The following ZNF485 variants were observed in gnomAD, a reference collection of about 807,000 sequenced individuals.
The protein encoded by ZNF485 is Zinc finger protein 93 (Zinc finger protein HTF34).
Under a neutral mutation model 10.8 loss-of-function variants are expected in ZNF485, and 9 were observed. The ratio of observed to expected loss-of-function variants is 0.83; its 90% CI spans 0.50 to 1.45. ZNF485 has a LOEUF of 1.45. Among genes scored for constraint, ZNF485 ranks in the 40% most tolerant of loss-of-function variants. The pLI, the probability that ZNF485 is intolerant of heterozygous loss-of-function variation, is 0.00. For missense variants in ZNF485, 487 were observed against 528.0 expected (o/e 0.92, Z 0.76); for synonymous variants, 187 against 181.0 (o/e 1.03, Z -0.27).
At chr10:43,615,864 C>T (rs1355803634) in intron 4 of ZNF485, among the ~76,000 whole-genome samples, 1 of 152,156 alleles carries the variant, frequency 6.6e-6, no homozygotes, top group Non-Finnish European at 1.5e-5. Context: ...CTATTTTTCT[C>T]AAGTTCTTGG....
Position 43,617,547 on chromosome 10 carries a change from G to A in ZNF485, c.*178G>A, listed in dbSNP as rs893774041. 3.6e-6 allele frequency: 2 copies of A among 552,922 alleles called. No homozygotes were observed. Among genetic ancestry groups the A allele is most frequent in the African/African-American group, 3.7e-5 (2 of 53,498 alleles). 34.3% of individuals were successfully genotyped at this position (552,922 alleles called of 1,614,324 possible). A position where few individuals can be genotyped will look rare whatever the true frequency, so the allele number is the denominator to read the frequency against. On this transcript the variant is annotated 3_prime_UTR_variant, in exon 5 of 5. Transcript: ENST00000361807. ...AAGAAACTAAATGTATGTCAGTATG[G>A]AAGTAGTTATAGCATACTGTGTGCT...
chr10:43,609,237 C>T lies in ZNF485; in HGVS notation c.152-18C>T. ...ATTTTTTTTTTCTTCCTCTAAGATC[C>T]TTTTTCTTTATGAACAGGGCTTCTC... is the stretch of plus-strand genomic sequence containing the variant. On this transcript the variant is annotated intron_variant, in intron 3 of 4. Coordinates refer to ENST00000361807, the MANE Select transcript of ZNF485 (RefSeq NM_145312.4). The T allele has an allele frequency of 6.3e-7, 1 of 1,594,170 alleles. No homozygotes were observed. Among genetic ancestry groups the T allele is most frequent in the African/African-American group, 1.4e-5 (1 of 73,902 alleles).
Position 43,616,366 on chromosome 10 carries a change from G to C in ZNF485, c.323G>C (p.Arg108Pro), listed in dbSNP as rs774582254. 10 of 1,613,964 alleles carry C rather than the reference G, an allele frequency of 6.2e-6. No homozygotes were observed. The highest frequency in any genetic ancestry group is 7.6e-6 in the Non-Finnish European group (9 of 1,179,956). ...TCTGAAGCATCTGTTCTGGGAGAGC[G>C]AACGAAAAGTGTCATGATGGAAAAA... ...STSEASVLGE[R>P]TKSVMMEKGL... is the part of the protein sequence containing the mutation. The change falls in exon 5 of 5, where the codon CGA becomes CCA. Residue 108 changes from arginine (R) to proline (P), a missense_variant. By Grantham distance (103) the Arg-to-Pro change is moderately radical. Coordinates refer to ENST00000361807, the MANE Select transcript of ZNF485 (RefSeq NM_145312.4).
intron 4 of ZNF485, among the ~76,000 whole-genome samples, chr10:43,615,564 G>A (rs1000095131): frequency 6.6e-6 from 1 of 152,114 alleles, no homozygotes; most frequent in African/African-American, 2.4e-5. Context: ...ACCATGCCTG[G>A]CTAGTTTTTG....
rs966201518 is a variant in ZNF485, at chr10:43,606,461, C to T, written c.-140C>T. The T allele has an allele frequency of 2.4e-6, 1 of 408,540 alleles. No homozygotes were observed. Among genetic ancestry groups the T allele is most frequent in the Non-Finnish European group, 4.6e-6 (1 of 218,224 alleles). 25.3% of individuals were successfully genotyped at this position (408,540 alleles called of 1,614,324 possible). On this transcript the variant is annotated 5_prime_UTR_variant, in exon 1 of 5. Coordinates refer to ENST00000361807, the MANE Select transcript of ZNF485 (RefSeq NM_145312.4). The stretch of plus-strand genomic sequence containing the variant: ...GCGTGGTGCGAGCGCTGCACCAGCC[C>T]CTGGCTGGTGGTTACTGTCCGAACG...
intron 1 of ZNF485, 148 bp downstream of exon 1, chr10:43,606,694 C>A: frequency 2.6e-6 from 1 of 389,036 alleles, no homozygotes; most frequent in East Asian, 4.8e-5. Context: ...GTGGCTGCGC[C>A]GTGTGGAGCG....
At chr10:43,607,712 C>T (rs979931903) in intron 2 of ZNF485, among the ~76,000 whole-genome samples, 4 of 152,182 alleles carry the variant, frequency 2.6e-5, no homozygotes, top group African/African-American at 7.2e-5. Context: ...TAAAGATCAC[C>T]TACATTTCTA....
intron 2 of ZNF485, 189 bp downstream of exon 2, chr10:43,607,263 T>C (rs1434891451): frequency 1.5e-6 from 1 of 676,010 alleles, no homozygotes; most frequent in Non-Finnish European, 2.6e-6. Context: ...TTGCTACCCA[T>C]GTTTTCTAGA....
intron 4 of ZNF485, among the ~76,000 whole-genome samples, chr10:43,609,814 G>A (rs1838734257): frequency 6.6e-6 from 1 of 152,108 alleles, no homozygotes; most frequent in Non-Finnish European, 1.5e-5. Flanking sequence ...GAGTAGCTGG[G>A]ACTACAGGCG....
At chr10:43,606,945 A>G in intron 1 of ZNF485, 52 bp from the exon 2 acceptor site, 1 of 1,454,208 alleles carries the variant, frequency 6.9e-7, no homozygotes, top group Non-Finnish European at 9.4e-7. Context: ...GGCAGATTCT[A>G]GCTAGGCTAG....
At chr10:43,606,783 C>G (rs1189616380) in intron 1 of ZNF485, among the ~76,000 whole-genome samples, 2 of 152,224 alleles carry the variant, frequency 1.3e-5, no homozygotes, top group Non-Finnish European at 2.9e-5. Context: ...CAAGGCCGTC[C>G]CCCGGTGCTG....
rs768987467 is a variant in ZNF485 at position 43,608,632 on chromosome 10, G to A, written c.43G>A (p.Asp15Asn). ...AQIQGPLTFG[D>N]VAVAFTRIEW... Reference sequence around the variant, plus strand: ...TTTGCAGGGACCGCTGACATTTGGGGATGTGGCTGTGGCCTTTACCCGGAT... The same window carrying A: ...TTTGCAGGGACCGCTGACATTTGGGAATGTGGCTGTGGCCTTTACCCGGAT... The change falls in exon 3 of 5, where the codon GAT (aspartate) becomes AAT (asparagine). Residue 15 changes from aspartate to asparagine, a missense_variant. Physicochemically the swap from Asp to Asn is conservative, Grantham distance 23. Transcript: ENST00000361807. 10 of 1,614,044 alleles carry A rather than the reference G, an allele frequency of 6.2e-6. No homozygotes were observed. Among genetic ancestry groups the A allele is most frequent in the Middle Eastern group, 3.3e-4 (2 of 6,062 alleles).
chr10:43,607,445 A>G (rs561572772), intron 2 of ZNF485: 81 of 277,494 alleles, frequency 2.9e-4, no homozygotes, highest in African/African-American at 1.5e-3. Context: ...CTTCCTGAAG[A>G]ATAAATGAGA....
In ZNF485 at chr10:43,607,067, A is replaced by G; in HGVS notation, c.17A>G (p.Gln6Arg). MAPRA[Q>R]IQGPLTFGDV... ...AGGAGACAGATGGCCCCAAGAGCCCAGATCCAGGCAAGTTTGATTTTTCCA... is the reference window on the plus strand; with the variant it reads ...AGGAGACAGATGGCCCCAAGAGCCCGGATCCAGGCAAGTTTGATTTTTCCA... Residue 6 changes from glutamine (Q) to arginine (R), a missense_variant, in exon 2 of 5, where the codon CAG becomes CGG. Gln to Arg is a conservative substitution (Grantham distance 43). Coordinates refer to ENST00000361807, the MANE Select transcript of ZNF485 (RefSeq NM_145312.4). The G allele has an allele frequency of 6.4e-7, 1 of 1,551,780 alleles. No individual in the cohort carries two copies. Among genetic ancestry groups the G allele is most frequent in the Non-Finnish European group, 8.7e-7 (1 of 1,147,038 alleles).
At chr10:43,613,817 T>C (rs959315498) in intron 4 of ZNF485, among the ~76,000 whole-genome samples, 4 of 152,246 alleles carry the variant, frequency 2.6e-5, no homozygotes, top group African/African-American at 9.6e-5. Flanking sequence ...ATGTCCTGGC[T>C]AGCACTTCCT....
In ZNF485 at chr10:43,617,152, C is replaced by T. The variant is rs766928355; in HGVS notation, c.1109C>T (p.Thr370Ile). ...GCCTTTACAAAGAGCTCAACCCTTA[C>T]TGGACATCAGAGAATTCATACTGGA... ...GKAFTKSSTL[T>I]GHQRIHTGEK... is the part of the protein sequence containing the mutation. Residue 370 changes from threonine to isoleucine, a missense_variant, in exon 5 of 5, where the codon ACT becomes ATT. Transcript: ENST00000361807. 20 of 1,613,938 alleles carry T rather than the reference C, an allele frequency of 1.2e-5. No individual in the cohort carries two copies. The East Asian group carries it at 2.0e-4, about 16-fold the overall frequency.
At chr10:43,615,855 T>G (rs1292916814) in intron 4 of ZNF485, among the ~76,000 whole-genome samples, 1 of 152,252 alleles carries the variant, frequency 6.6e-6, no homozygotes, top group Admixed American at 6.5e-5. Context: ...CACAGAGAAC[T>G]ATTTTTCTCA....
chr10:43,612,304 A>C (rs1838781889), intron 4 of ZNF485, among the ~76,000 whole-genome samples: 1 of 152,162 alleles, frequency 6.6e-6, no homozygotes, highest in South Asian at 2.1e-4. Context: ...CTGATACTTA[A>C]ATGTATTTAC....
Position 43,608,734 on chromosome 10 carries a change from T to G in ZNF485, c.145T>G (p.Ser49Ala). 1 of 1,613,808 alleles carries G rather than the reference T, an allele frequency of 6.2e-7. No individual in the cohort carries two copies. Among genetic ancestry groups the G allele is most frequent in the Non-Finnish European group, 8.5e-7 (1 of 1,179,884 alleles). Residue 49 changes from serine to alanine, a missense_variant, in exon 3 of 5, where the codon TCT becomes GCT. By Grantham distance (99) the Ser-to-Ala change is moderately conservative. Transcript: ENST00000361807. ...GCTGGAGAACTATGGGAATCTGGTGTCTGTGGGTGAGGATGGCTTTCTCCT... is the reference window on the plus strand; with the variant it reads ...GCTGGAGAACTATGGGAATCTGGTGGCTGTGGGTGAGGATGGCTTTCTCCT... Reference protein sequence around the residue: ...VMLENYGNLVSVGLLSSKPKL... With the variant: ...VMLENYGNLVAVGLLSSKPKL...
Sources: gnomAD v4.1 joint callset for allele counts (sites outside exome capture counted in the v4.1 genomes callset) on GRCh38, gnomAD v4.1.1 for gene constraint, MANE v1.5 for transcripts, NCBI Gene and HGNC (gene_info 2026-07-23, HGNC 2026-07-21) for gene names.